MFN2: variants seen among roughly 807,000 people sequenced by gnomAD.
MFN2 encodes the protein mitofusin-2.
MFN2 carries 43 observed loss-of-function variants against 87.5 expected under a neutral mutation model. The observed-to-expected ratio is 0.49, with a 90% CI of 0.38 to 0.63. MFN2 has a LOEUF of 0.63. Ranked by LOEUF, MFN2 falls within the 30% of genes least tolerant of loss-of-function variation. The pLI is 0.00. For missense variants in MFN2, 743 were observed against 972.8 expected (o/e 0.76, Z 3.14); for synonymous variants, 337 against 359.9 (o/e 0.94, Z 0.72).
Position 12,004,506 on chromosome 1 carries a change from T to TA in MFN2, c.1288-2dup. On this transcript the variant is annotated splice_region_variant and splice_polypyrimidine_tract_variant and intron_variant, in intron 12 of 18. Coordinates refer to ENST00000235329, the MANE Select transcript of MFN2 (RefSeq NM_014874.4). This position sits in a 1 kb window ranked among gnomAD's most constrained non-coding sequence, Gnocchi z 4.2. Reference sequence around the variant, plus strand: ...CTTAACAGTGTGCTTCCTTTTGCTGTAGGTGTCGACTGCAATGGCCGAGGA... The same window carrying TA: ...CTTAACAGTGTGCTTCCTTTTGCTGTAAGGTGTCGACTGCAATGGCCGAGGA... 6.2e-7 allele frequency: 1 copy of TA among 1,613,900 alleles called. No individual in the cohort carries two copies.
At chr1:12,006,050 C>G (rs1557532562) in intron 15 of MFN2, 119 bp downstream of exon 15, 2 of 897,444 alleles carry the variant, frequency 2.2e-6, no homozygotes, top group East Asian at 2.5e-5. Context: ...GTGGTGTGCC[C>G]CACCACACAG....
chr1:11,998,032 C>T (rs551285059), intron 6 of MFN2, among the ~76,000 whole-genome samples: 66 of 150,962 alleles, frequency 4.4e-4, no homozygotes, highest in Middle Eastern at 3.4e-3. Flanking sequence ...TACAGGTGCC[C>T]GCCACCATGC....
intron 15 of MFN2, 45 bp from the exon 16 acceptor site, chr1:12,006,493 A>G (rs1482172673): frequency 6.2e-7 from 1 of 1,610,434 alleles, no homozygotes; most frequent in East Asian, 2.2e-5. Flanking sequence ...CGTGAATGAG[A>G]GACTCAATAC....
chr1:12,001,733 A>G (rs764023803), intron 9 of MFN2, 36 bp from the exon 10 acceptor site: 1 of 1,612,758 alleles, frequency 6.2e-7, no homozygotes. Flanking sequence ...TCTGCTGCCA[A>G]GTTGTTTCTG....
intron 15 of MFN2, 148 bp from the exon 16 acceptor site, chr1:12,006,390 C>A: frequency 9.4e-7 from 1 of 1,068,702 alleles, no homozygotes; most frequent in Non-Finnish European, 1.4e-6. Flanking sequence ...TCCTCTGCTA[C>A]ATCTGAAGCT....
chr1:11,986,512 T>C (rs1638412045), intron 2 of MFN2, among the ~76,000 whole-genome samples: 1 of 151,896 alleles, frequency 6.6e-6, no homozygotes, highest in Non-Finnish European at 1.5e-5. Flanking sequence ...CTGAGGGACC[T>C]GGCAGGGGTC....
chr1:12,011,408 C>A, intron 18 of MFN2, 88 bp from the exon 19 acceptor site: 1 of 1,322,942 alleles, frequency 7.6e-7, no homozygotes, highest in Non-Finnish European at 1.1e-6. Flanking sequence ...GGGTGTGTGT[C>A]AAGCGTCCTT....
At chr1:12,007,022 C>T (rs1331907946) in intron 16 of MFN2, 31 bp from the exon 17 acceptor site, 2 of 1,612,124 alleles carry the variant, frequency 1.2e-6, no homozygotes, top group East Asian at 2.2e-5. Flanking sequence ...CACAGAGAGG[C>T]TGCACTCCAG....
chr1:12,003,255 G>A lies in MFN2; in HGVS notation c.1161-737G>A, dbSNP rs536063580. On this transcript the variant is annotated intron_variant, in intron 11 of 18. Transcript: ENST00000235329. The surrounding 1 kb of genome is among the most constrained non-coding windows in gnomAD (Gnocchi z 4.1). ...TTTCTTGATGCTCTTCAGAACAGCC[G>A]TACCCATTCATTGCATGACCAGTAC... 5.9e-5 allele frequency among the ~76,000 whole-genome samples: 9 copies of A among 152,230 alleles called. No homozygotes were observed. The East Asian group carries it at 1.7e-3, about 29-fold the overall frequency.
rs1468466784 is a variant in MFN2, at chr1:11,989,353, C to T, written c.175+10C>T. 12 of 1,613,528 alleles carry T rather than the reference C, an allele frequency of 7.4e-6. No individual in the cohort carries two copies. The highest frequency in any genetic ancestry group is 1.3e-5 in the African/African-American group (1 of 75,004). The stretch of plus-strand genomic sequence containing the variant: ...GCCACCTTCCTTGAAGGTAAGGGGG[C>T]ACCGGCTCAGCCAGGCCCGCTCTTA... On this transcript the variant is annotated intron_variant, in intron 3 of 18. Transcript: ENST00000235329.
Position 12,013,395 on chromosome 1 carries a change from C to T in MFN2, c.*1830C>T, listed in dbSNP as rs74609163. On this transcript the variant is annotated 3_prime_UTR_variant, in exon 19 of 19. Transcript: ENST00000235329. ...TATGTTCATTTGCTGGAGCGCAAGA[C>T]GTGCTGACACAGTGAGTTTTCTCTG... 761 of 471,188 alleles carry T rather than the reference C, an allele frequency of 1.6e-3. 2 individuals carry two copies. Among genetic ancestry groups the T allele is most frequent in the East Asian group, 0.012 (166 of 14,384 alleles). 29.2% of individuals were successfully genotyped at this position (471,188 alleles called of 1,614,324 possible).
chr1:12,006,676 C>T lies in MFN2; in HGVS notation c.1855C>T (p.Leu619Phe). The part of the protein sequence containing the change: ...SLTSRTSMGI[L>F]VVGGVVWKAV... ...GACATCCAGGACCTCCATGGGCATT[C>T]TTGTTGTTGGAGGAGTGGTCAGTGA... The change falls in exon 16 of 19, where the codon CTT becomes TTT. Residue 619 changes from leucine (L) to phenylalanine (F), a missense_variant. Leu to Phe is a conservative substitution (Grantham distance 22). Transcript: ENST00000235329. 1 of 1,608,424 alleles carries T rather than the reference C, an allele frequency of 6.2e-7. No individual in the cohort carries two copies.
At chr1:12,002,125 TAGGTGGAGAGAGCTGCCG>T in intron 11 of MFN2, 22 bp downstream of exon 11, 10 of 1,614,056 alleles carry the variant, frequency 6.2e-6, no homozygotes, top group Non-Finnish European at 8.5e-6. Context: ...AGACTGCAGA[TAGGTGGAGAGAGCTGCCG>T]AGACAAGGGT....
chr1:11,985,524 T>C (rs1257510884), intron 2 of MFN2, among the ~76,000 whole-genome samples: 1 of 142,906 alleles, frequency 7.0e-6, no homozygotes, highest in Non-Finnish European at 1.5e-5. Context: ...TGGAGTACAG[T>C]GGCGAGATCT....
chr1:11,998,398 A>G (rs1639022251), intron 6 of MFN2, among the ~76,000 whole-genome samples: 1 of 151,858 alleles, frequency 6.6e-6, no homozygotes, highest in Non-Finnish European at 1.5e-5. Context: ...ATACAAAAAA[A>G]TTAGCTGGGC....
chr1:12,004,239 C>T lies in MFN2; in HGVS notation c.1287+121C>T. ...TCAGAAGAAAGTTGTGGCCCTGTTT[C>T]AAGAATACAGAGCTGCCGTTTGGGT... On this transcript the variant is annotated intron_variant, in intron 12 of 18. Coordinates refer to ENST00000235329, the MANE Select transcript of MFN2 (RefSeq NM_014874.4). This position sits in a 1 kb window ranked among gnomAD's most constrained non-coding sequence, Gnocchi z 4.2. 1 of 1,370,720 alleles carries T rather than the reference C, an allele frequency of 7.3e-7. No homozygotes were observed. The highest frequency in any genetic ancestry group is 1.0e-6 in the Non-Finnish European group (1 of 981,332). 84.9% of individuals were successfully genotyped at this position (1,370,720 alleles called of 1,614,324 possible).
chr1:12,011,736 C>A lies in MFN2; in HGVS notation c.*171C>A. ...CTCCAGCACTACTTATTTTCCCCCA[C>A]CTTTGCCTGCTGTTGCTGGAAGAGC... On this transcript the variant is annotated 3_prime_UTR_variant, in exon 19 of 19. Coordinates refer to ENST00000235329, the MANE Select transcript of MFN2 (RefSeq NM_014874.4). 2 of 679,544 alleles carry A rather than the reference C, an allele frequency of 2.9e-6. No individual in the cohort carries two copies. The highest frequency in any genetic ancestry group is 5.1e-6 in the Non-Finnish European group (2 of 393,158). The allele number at this position is 679,544 out of a possible 1,614,324, so 42.1% of individuals were successfully genotyped here. A position where few individuals can be genotyped will look rare whatever the true frequency, so the allele number is the denominator to read the frequency against.
At chr1:11,988,387 C>T (rs1306444263) in intron 2 of MFN2, among the ~76,000 whole-genome samples, 1 of 149,992 alleles carries the variant, frequency 6.7e-6, no homozygotes, top group African/African-American at 2.5e-5. Flanking sequence ...ACAGGCATAA[C>T]CCACCATGCC....
chr1:11,996,272 A>C lies in MFN2; in HGVS notation c.428A>C (p.Glu143Ala), dbSNP rs773222120. ...CGGGTAGAGGGCACAGATGGCCATG[A>C]GGCCTTTCTCCTTACCGAGGGCTCA... is the stretch of plus-strand genomic sequence containing the variant. Reference protein sequence around the residue: ...FLRVEGTDGHEAFLLTEGSEE... With the variant: ...FLRVEGTDGHAAFLLTEGSEE... Residue 143 changes from glutamate to alanine, a missense_variant, in exon 5 of 19, where the codon GAG (glutamate) becomes GCG (alanine). Transcript: ENST00000235329. 1.9e-6 allele frequency: 3 copies of C among 1,614,186 alleles called. No individual in the cohort carries two copies. Among genetic ancestry groups the C allele is most frequent in the Non-Finnish European group, 1.7e-6 (2 of 1,180,022 alleles).
Sources: allele counts gnomAD v4.1 joint callset (sites outside exome capture counted in the v4.1 genomes callset), GRCh38; gene constraint gnomAD v4.1.1; non-coding constraint Gnocchi (gnomAD v3.1); transcripts MANE v1.5; gene names NCBI Gene and HGNC (gene_info 2026-07-23, HGNC 2026-07-21).